FRMD6: variants seen among roughly 807,000 people sequenced by gnomAD.
FRMD6 encodes the protein FERM domain containing 6.
In FRMD6, 37 loss-of-function variants were observed where a neutral mutation model predicts 73.2. The observed-to-expected ratio is 0.51, with a 90% CI of 0.39 to 0.66. The LOEUF (loss-of-function observed/expected upper bound fraction) is 0.66. Among genes scored for constraint, FRMD6 ranks in the 30% least tolerant of loss-of-function variants. FRMD6 has a pLI of 0.00. For synonymous variants in FRMD6, 273 were observed against 282.2 expected (o/e 0.97, Z 0.33); for missense variants, 714 against 780.5 (o/e 0.91, Z 1.02).
intron 2 of FRMD6, among the ~76,000 whole-genome samples, chr14:51,587,442 C>T (rs1236066893): frequency 6.6e-6 from 1 of 152,182 alleles, no homozygotes; most frequent in Non-Finnish European, 1.5e-5. Context: ...TGTATGGCCG[C>T]GGTGGCTGGT....
At position 51,571,090 on chromosome 14, in the gene FRMD6, G is replaced by A. The variant is rs192923164; in HGVS notation, c.-147+680G>A. ...ATAATTAACATAATTAACATCCACA[G>A]CATGGCTGGGCATGGTGGCTCATGA... On this transcript the variant is annotated intron_variant, in intron 2 of 14. Transcript: ENST00000356218. Among the ~76,000 whole-genome samples, 117 of 152,304 alleles carry A rather than the reference G, an allele frequency of 7.7e-4. 1 individual carries two copies. The highest frequency in any genetic ancestry group is 1.6e-4 in the Non-Finnish European group (11 of 68,020).
At chr14:51,599,485 G>A (rs1392569679) in intron 2 of FRMD6, among the ~76,000 whole-genome samples, 5 of 152,008 alleles carry the variant, frequency 3.3e-5, no homozygotes, top group Non-Finnish European at 7.4e-5. Context: ...AACAAAAATT[G>A]GCAAATAGGA....
At chr14:51,719,289 CAT>C (rs1345427105) in intron 10 of FRMD6, among the ~76,000 whole-genome samples, 3 of 152,164 alleles carry the variant, frequency 2.0e-5, no homozygotes, top group Non-Finnish European at 4.4e-5. Context: ...ACAGCACTGA[CAT>C]GTGAAATCAA....
intron 1 of FRMD6, among the ~76,000 whole-genome samples, chr14:51,675,991 A>C (rs1436683228): frequency 6.6e-6 from 1 of 152,142 alleles, no homozygotes; most frequent in African/African-American, 2.4e-5. Flanking sequence ...GGGTATGTTT[A>C]ATTTAGTAAA....
At chr14:51,493,093 G>A (rs1220148373) in intron 1 of FRMD6, among the ~76,000 whole-genome samples, 2 of 152,180 alleles carry the variant, frequency 1.3e-5, no homozygotes, top group Admixed American at 1.3e-4. Context: ...TTCCTATTAT[G>A]GCTTTAAAAA....
chr14:51,711,519 C>A lies in FRMD6; in HGVS notation c.715-12C>A. The A allele has an allele frequency of 1.3e-6, 2 of 1,558,458 alleles. No homozygotes were observed. The highest frequency in any genetic ancestry group is 8.8e-7 in the Non-Finnish European group (1 of 1,134,594). On this transcript the variant is annotated splice_polypyrimidine_tract_variant and intron_variant, in intron 7 of 13. Coordinates refer to ENST00000344768, the MANE Select transcript of FRMD6 (RefSeq NM_001267046.2). ...AAAACATTTAATTTTTTATAAAATC[C>A]TATTCCTACAGGATAAAAGGGAAAT... is the stretch of plus-strand genomic sequence containing the variant.
At position 51,549,598 on chromosome 14, in the gene FRMD6, T is replaced by TC. The variant is rs1249679867; in HGVS notation, c.-209-20750_-209-20749insC. The stretch of plus-strand genomic sequence containing the variant: ...AGTATAAACTTTTTTTTTCTTTCTT[T>TC]TTTTTTTTTTTTTTTTTGAGACAGA... On this transcript the variant is annotated intron_variant, in intron 1 of 14. Transcript: ENST00000356218. Among the ~76,000 whole-genome samples, 481 of 123,912 alleles carry TC rather than the reference T, an allele frequency of 3.9e-3. 2 individuals carry two copies. Among genetic ancestry groups the TC allele is most frequent in the East Asian group, 0.014 (65 of 4,606 alleles). The allele number at this position is 123,912 out of a possible 152,430, so 81.3% of individuals were successfully genotyped here.
the FRMD6 span, among the ~76,000 whole-genome samples, chr14:51,473,824 C>CTT: frequency 2.1e-5 from 3 of 144,452 alleles, no homozygotes; most frequent in African/African-American, 2.5e-5. Context: ...GCTTTCTTTA[C>CTT]TTTTTTTTTT....
At chr14:51,725,994 C>T (rs946628979) in intron 13 of FRMD6, 124 bp downstream of exon 13, 18 of 599,948 alleles carry the variant, frequency 3.0e-5, no homozygotes, top group Admixed American at 8.8e-5. Context: ...TTCCTAGATA[C>T]GTACATTCTA....
intron 1 of FRMD6, among the ~76,000 whole-genome samples, chr14:51,553,868 T>C (rs139635456): frequency 3.8e-4 from 58 of 152,234 alleles, no homozygotes; most frequent in African/African-American, 1.3e-3. Context: ...TGTGAAAATC[T>C]CTAGGAAGAT....
intron 2 of FRMD6, among the ~76,000 whole-genome samples, chr14:51,640,629 A>T (rs923823192): frequency 1.3e-5 from 2 of 152,236 alleles, no homozygotes; most frequent in African/African-American, 2.4e-5. Flanking sequence ...AGTATATTTG[A>T]ATTCATAATT....
At chr14:51,667,369 G>A (rs1239636584) in intron 1 of FRMD6, among the ~76,000 whole-genome samples, 1 of 152,124 alleles carries the variant, frequency 6.6e-6, no homozygotes, top group Non-Finnish European at 1.5e-5. Flanking sequence ...TCGGAAGAAT[G>A]AAGTAATATG....
chr14:51,577,199 GA>G (rs1888453268), intron 2 of FRMD6, among the ~76,000 whole-genome samples: 1 of 151,912 alleles, frequency 6.6e-6, no homozygotes, highest in South Asian at 2.1e-4. Flanking sequence ...GAGTGGGTGG[GA>G]AAACATGTAG....
chr14:51,654,577 T>C (rs1235191185), intron 1 of FRMD6, among the ~76,000 whole-genome samples: 2 of 151,032 alleles, frequency 1.3e-5, no homozygotes, highest in South Asian at 2.1e-4. Flanking sequence ...TCTAAAGTTG[T>C]GGGTTTTTTT....
At chr14:51,421,087 A>G in the FRMD6 span, among the ~76,000 whole-genome samples, 3 of 152,024 alleles carry the variant, frequency 2.0e-5, no homozygotes, top group Non-Finnish European at 4.4e-5. Flanking sequence ...TTTTATATTC[A>G]AGACTTGAGC....
At chr14:51,664,070 TCATGAAAGGTGAGA>T (rs1893409077) in intron 1 of FRMD6, among the ~76,000 whole-genome samples, 1 of 152,212 alleles carries the variant, frequency 6.6e-6, no homozygotes, top group South Asian at 2.1e-4. Context: ...CAGTCCTTTT[TCATGAAAGGTGAGA>T]CATGTGCTTT....
the FRMD6 span, among the ~76,000 whole-genome samples, chr14:51,430,886 A>G: frequency 2.0e-5 from 3 of 152,228 alleles, no homozygotes; most frequent in Non-Finnish European, 4.4e-5. Flanking sequence ...GACACAAAGA[A>G]TCTGTGGTGT....
chr14:51,604,807 C>T (rs1566497903), intron 2 of FRMD6, among the ~76,000 whole-genome samples: 1 of 152,160 alleles, frequency 6.6e-6, no homozygotes, highest in African/African-American at 2.4e-5. Context: ...CTCTTCCAGG[C>T]CCTCTCCACG....
At chr14:51,431,437 G>A in the FRMD6 span, among the ~76,000 whole-genome samples, 8 of 152,104 alleles carry the variant, frequency 5.3e-5, no homozygotes, top group East Asian at 5.8e-4. Flanking sequence ...AGTACTACCC[G>A]GTACAGAAAG....
Sources: allele counts gnomAD v4.1 joint callset (sites outside exome capture counted in the v4.1 genomes callset), GRCh38; gene constraint gnomAD v4.1.1; transcripts MANE v1.5; gene names NCBI Gene and HGNC (gene_info 2026-07-23, HGNC 2026-07-21).